The following ZNF438 variants were observed in gnomAD, a reference collection of about 807,000 sequenced individuals.
ZNF438 encodes the protein zinc finger protein 438.
Under a neutral mutation model 38.0 loss-of-function variants are expected in ZNF438, and 25 were observed. The ratio of observed to expected loss-of-function variants is 0.66; its 90% CI spans 0.48 to 0.92. The LOEUF is 0.92. ZNF438 is among the 40% of genes least tolerant of loss of function. The probability of loss-of-function intolerance (pLI) is 0.00; values close to 1 mark genes in which losing one functional copy is unlikely to be tolerated. For missense variants in ZNF438, 1,007 were observed against 999.6 expected, an observed-to-expected ratio of 1.01 and a Z score of -0.10; for synonymous variants, 372 against 364.1, an observed-to-expected ratio of 1.02 and a Z score of -0.25.
At chr10:30,932,341 G>A (rs1199357084) in intron 2 of ZNF438, among the ~76,000 whole-genome samples, 1 of 151,906 alleles carries the variant, frequency 6.6e-6, no homozygotes, top group Non-Finnish European at 1.5e-5. Context: ...ATAGTTTTTG[G>A]CACTGGTACT....
chr10:30,972,776 A>C (rs1377575818), intron 1 of ZNF438, among the ~76,000 whole-genome samples: 1 of 152,236 alleles, frequency 6.6e-6, no homozygotes, highest in Non-Finnish European at 1.5e-5. Context: ...CCTACCTCAA[A>C]GAGCCATGGG....
At chr10:30,860,879 G>C (rs759524723) in intron 4 of ZNF438, among the ~76,000 whole-genome samples, 4 of 152,180 alleles carry the variant, frequency 2.6e-5, no homozygotes, top group Non-Finnish European at 5.9e-5. Flanking sequence ...AGAAAGTGGG[G>C]TAAGTACAGA....
intron 1 of ZNF438, among the ~76,000 whole-genome samples, chr10:31,013,671 A>C (rs139199049): frequency 6.6e-6 from 1 of 152,238 alleles, no homozygotes; most frequent in Non-Finnish European, 1.5e-5. Flanking sequence ...TCTGCAACTT[A>C]AGGTATCCAC....
intron 1 of ZNF438, among the ~76,000 whole-genome samples, chr10:30,989,797 C>A (rs2053273184): frequency 1.3e-5 from 2 of 152,288 alleles, no homozygotes; most frequent in South Asian, 2.1e-4. Flanking sequence ...GAAAGAGATA[C>A]AGAAAGAAGA....
chr10:30,976,483 T>C (rs1042739951), intron 1 of ZNF438, among the ~76,000 whole-genome samples: 2 of 152,220 alleles, frequency 1.3e-5, no homozygotes, highest in Admixed American at 6.5e-5. Context: ...GGCACACACC[T>C]GTAATCCCAG....
intron 1 of ZNF438, among the ~76,000 whole-genome samples, chr10:30,986,944 T>A (rs1306001987): frequency 6.6e-6 from 1 of 152,154 alleles, no homozygotes; most frequent in Non-Finnish European, 1.5e-5. Context: ...TACAGCATCA[T>A]AGAAAGAACA....
At chr10:30,887,492 G>A (rs370404721) in intron 3 of ZNF438, among the ~76,000 whole-genome samples, 87 of 150,770 alleles carry the variant, frequency 5.8e-4, no homozygotes, top group African/African-American at 1.8e-3. Context: ...GGGTTCAAGC[G>A]ATTCTCCTGC....
chr10:30,988,755 A>G (rs935068718), intron 1 of ZNF438, among the ~76,000 whole-genome samples: 8 of 152,192 alleles, frequency 5.3e-5, no homozygotes, highest in Non-Finnish European at 1.0e-4. Context: ...TTTGTCAGTC[A>G]AGCAATAAAA....
At chr10:30,927,220 G>A (rs901836148) in intron 2 of ZNF438, among the ~76,000 whole-genome samples, 4 of 152,208 alleles carry the variant, frequency 2.6e-5, no homozygotes, top group Admixed American at 6.5e-5. Flanking sequence ...CTCAGTTTTG[G>A]AGGAATGGCA....
chr10:31,002,703 C>A (rs1234337543), intron 1 of ZNF438, among the ~76,000 whole-genome samples: 1 of 152,188 alleles, frequency 6.6e-6, no homozygotes, highest in East Asian at 1.9e-4. Context: ...TTCATCCAAA[C>A]TCTTAATTCA....
intron 2 of ZNF438, among the ~76,000 whole-genome samples, chr10:30,912,840 T>C (rs1452228962): frequency 6.6e-6 from 1 of 152,164 alleles, no homozygotes; most frequent in Non-Finnish European, 1.5e-5. Flanking sequence ...ATCTGAAATG[T>C]TCTGCCTTTG....
chr10:30,894,322 G>A (rs1308283007), intron 3 of ZNF438, among the ~76,000 whole-genome samples: 2 of 152,296 alleles, frequency 1.3e-5, no homozygotes, highest in Non-Finnish European at 2.9e-5. Flanking sequence ...ACAGTCCAGA[G>A]GCAACATCTA....
intron 2 of ZNF438, among the ~76,000 whole-genome samples, chr10:30,922,774 G>T (rs1240617156): frequency 6.6e-6 from 1 of 151,840 alleles, no homozygotes; most frequent in Non-Finnish European, 1.5e-5. Flanking sequence ...GGTGGAAGTT[G>T]CAGTGTGCCA....
intron 2 of ZNF438, among the ~76,000 whole-genome samples, chr10:30,924,862 A>C (rs2044731558): frequency 6.6e-6 from 1 of 152,216 alleles, no homozygotes; most frequent in African/African-American, 2.4e-5. Flanking sequence ...GGAAAAATCA[A>C]AATAAAAGCT....
At chr10:30,844,953 T>C (rs756810069) in exon 6 of ZNF438, 8 of 1,611,636 alleles carry the variant, frequency 5.0e-6, no homozygotes, top group Admixed American at 3.3e-5. Flanking sequence ...CCAGGCTGCC[T>C]TGGGGTCTCA....
rs77841121 is a variant in ZNF438 at position 30,876,603 on chromosome 10, A to C, written c.37+395T>G. 1.7e-3 allele frequency among the ~76,000 whole-genome samples: 264 copies of C among 152,366 alleles called. 2 individuals carry two copies. Among genetic ancestry groups the C allele is most frequent in the African/African-American group, 5.5e-3 (230 of 41,578 alleles). ...CTATATCCTCTAAGTGTATGTCTAC[A>C]GATGTGTGTGTGAATATATATGCAT... On this transcript the variant is annotated intron_variant, in intron 4 of 5. Coordinates refer to ENST00000413025, the Ensembl canonical transcript of ZNF438.
chr10:30,915,911 T>C (rs1201763681), intron 2 of ZNF438, among the ~76,000 whole-genome samples: 4 of 152,024 alleles, frequency 2.6e-5, no homozygotes, highest in Non-Finnish European at 5.9e-5. Flanking sequence ...GCCCATCCTA[T>C]TTTAAAAGAA....
chr10:31,002,286 CT>C (rs1485496080), intron 1 of ZNF438, among the ~76,000 whole-genome samples: 1 of 152,162 alleles, frequency 6.6e-6, no homozygotes, highest in Non-Finnish European at 1.5e-5. Context: ...TGCTAAAATA[CT>C]TTGTTTACTT....
At chr10:30,980,190 C>T (rs529464610) in intron 1 of ZNF438, among the ~76,000 whole-genome samples, 3 of 151,334 alleles carry the variant, frequency 2.0e-5, no homozygotes, top group African/African-American at 7.3e-5. Context: ...AACGTTTCAT[C>T]CTGTGTGTGC....
Sources: gnomAD v4.1 joint callset for allele counts (sites outside exome capture counted in the v4.1 genomes callset) on GRCh38, gnomAD v4.1.1 for gene constraint, MANE v1.5 for transcripts, NCBI Gene and HGNC (gene_info 2026-07-23, HGNC 2026-07-21) for gene names.